The following ENG variants were observed in gnomAD, a reference collection of about 807,000 sequenced individuals.
ENG encodes CD105 antigen.
Under a neutral mutation model 71.0 loss-of-function variants are expected in ENG, and 17 were observed. The ratio of observed to expected loss-of-function variants is 0.24; its 90% CI spans 0.16 to 0.36. The LOEUF is 0.36. Ranked by LOEUF, ENG falls within the 10% of genes least tolerant of loss-of-function variation. ENG has a pLI of 1.00. For missense variants in ENG, 749 were observed against 868.3 expected, an observed-to-expected ratio of 0.86 and a Z score of 1.73; for synonymous variants, 360 against 366.9, an observed-to-expected ratio of 0.98 and a Z score of 0.21.
chr9:127,819,363 C>T (rs1046236577), intron 10 of ENG: 1 of 512,692 alleles, frequency 2.0e-6, no homozygotes, highest in Non-Finnish European at 3.5e-6. Context: ...TTTCTTAGGC[C>T]ACCTTTGGGC....
intron 2 of ENG, among the ~76,000 whole-genome samples, chr9:127,834,953 T>C (rs1347695670): frequency 1.3e-5 from 2 of 151,934 alleles, no homozygotes; most frequent in Non-Finnish European, 2.9e-5. Flanking sequence ...TTATAACTTT[T>C]GGTTTTCAAA....
In ENG at chr9:127,846,382, C is replaced by T. The variant is rs927018835; in HGVS notation, c.68-3137G>A. On this transcript the variant is annotated intron_variant, in intron 1 of 14. Coordinates refer to ENST00000373203, the MANE Select transcript of ENG (RefSeq NM_001114753.3). The surrounding 1 kb of genome is among the most constrained non-coding windows in gnomAD (Gnocchi z 5.5). ...GCACATGGTTGACCAGGCCGGGCCTCGGACCCGCGTCTCCCAACATGACCC... is the reference window on the plus strand; with the variant it reads ...GCACATGGTTGACCAGGCCGGGCCTTGGACCCGCGTCTCCCAACATGACCC... 2.6e-5 allele frequency among the ~76,000 whole-genome samples: 4 copies of T among 152,178 alleles called. No homozygotes were observed. Among genetic ancestry groups the T allele is most frequent in the Admixed American group, 1.3e-4 (2 of 15,276 alleles).
chr9:127,828,967 G>A (rs558914947), intron 3 of ENG, among the ~76,000 whole-genome samples: 10 of 152,100 alleles, frequency 6.6e-5, no homozygotes, highest in Admixed American at 5.9e-4. Context: ...ATTCCTCATG[G>A]AGGAGGCAGT....
chr9:127,830,769 T>C (rs921366609), intron 2 of ENG, among the ~76,000 whole-genome samples: 1 of 151,966 alleles, frequency 6.6e-6, no homozygotes, highest in Non-Finnish European at 1.5e-5. Flanking sequence ...GAGGCAGCGA[T>C]CCCCTGCCCC....
intron 2 of ENG, among the ~76,000 whole-genome samples, chr9:127,833,220 T>C (rs1251389133): frequency 1.3e-5 from 2 of 151,926 alleles, no homozygotes; most frequent in African/African-American, 4.8e-5. Context: ...AACAGGTGAG[T>C]GCTGAGACTA....
At position 127,815,582 on chromosome 9, in the gene ENG, T is replaced by TGGGTCGAGTG; in HGVS notation, c.*90_*99dup. On this transcript the variant is annotated 3_prime_UTR_variant, in exon 15 of 15. Coordinates refer to ENST00000373203, the MANE Select transcript of ENG (RefSeq NM_001114753.3). ...TAGGCGCGGAGAGCAGGCTCCATTC[T>TGGGTCGAGTG]GGGTCGAGTGGAGGACTGGCTCCCA... 1 of 1,491,384 alleles carries TGGGTCGAGTG rather than the reference T, an allele frequency of 6.7e-7. No homozygotes were observed. The highest frequency in any genetic ancestry group is 1.3e-5 in the South Asian group (1 of 77,154). 92.4% of individuals were successfully genotyped at this position (1,491,384 alleles called of 1,614,324 possible). A position where few individuals can be genotyped will look rare whatever the true frequency, so the allele number is the denominator to read the frequency against.
chr9:127,819,023 C>T (rs1241140496), intron 10 of ENG, among the ~76,000 whole-genome samples, 191 bp from the exon 11 acceptor site: 2 of 151,666 alleles, frequency 1.3e-5, no homozygotes, highest in Non-Finnish European at 2.9e-5. Context: ...CTGCAAGCTC[C>T]GCCTCCCGGG....
chr9:127,849,528 G>A (rs755521015), intron 1 of ENG, among the ~76,000 whole-genome samples: 6 of 152,250 alleles, frequency 3.9e-5, no homozygotes, highest in Admixed American at 3.9e-4. Context: ...AAGAGCGGGG[G>A]TGGATAGGAC....
chr9:127,834,255 A>G lies in ENG; in HGVS notation c.220-4428T>C, dbSNP rs571712647. Among the ~76,000 whole-genome samples the G allele has an allele frequency of 1.3e-4, 18 of 137,986 alleles. 1 individual carries two copies. The East Asian group carries it at 3.7e-3, about 29-fold the overall frequency. 90.5% of individuals were successfully genotyped at this position (137,986 alleles called of 152,430 possible). A position where few individuals can be genotyped will look rare whatever the true frequency, so the allele number is the denominator to read the frequency against. On this transcript the variant is annotated intron_variant, in intron 2 of 14. Coordinates refer to ENST00000373203, the MANE Select transcript of ENG (RefSeq NM_001114753.3). ...GCCCAGCTAATTTTTGTATATATAT[A>G]TTTTTGAGATGGAGTCTTGCTCTGT... is the stretch of plus-strand genomic sequence containing the variant.
rs1830902058 is a variant in ENG, at chr9:127,836,301, CCT to C, written c.220-6476_220-6475del. 6.6e-6 allele frequency among the ~76,000 whole-genome samples: 1 copy of C among 152,264 alleles called. No homozygotes were observed. Among genetic ancestry groups the C allele is most frequent in the South Asian group, 2.1e-4 (1 of 4,834 alleles). The stretch of plus-strand genomic sequence containing the variant: ...CAGCCTGCGCCTACCCAGCCCCCTC[CCT>C]GAGTGGGTGGGCGGGAGACCGCGTT... On this transcript the variant is annotated intron_variant, in intron 2 of 14. Transcript: ENST00000373203. This position sits in a 1 kb window ranked among gnomAD's most constrained non-coding sequence, Gnocchi z 4.0.
At chr9:127,817,886 A>G in intron 12 of ENG, 2 of 613,324 alleles carry the variant, frequency 3.3e-6, no homozygotes, top group African/African-American at 1.8e-5. Flanking sequence ...GGATGGATAG[A>G]TGGACAGTGG....
chr9:127,831,016 T>C (rs1378872660), intron 2 of ENG, among the ~76,000 whole-genome samples: 1 of 152,184 alleles, frequency 6.6e-6, no homozygotes, highest in Admixed American at 6.5e-5. Flanking sequence ...AATTGTTCAA[T>C]GATGTATACA....
At chr9:127,825,929 C>T in intron 4 of ENG, 69 bp from the exon 5 acceptor site, 1 of 1,542,332 alleles carries the variant, frequency 6.5e-7, no homozygotes, top group Non-Finnish European at 8.8e-7. Context: ...CCGCCCTCAC[C>T]CACAGCCAAA....
At position 127,854,442 on chromosome 9, in the gene ENG, G is replaced by C; in HGVS notation, c.-87C>G. 1 of 1,437,804 alleles carries C rather than the reference G, an allele frequency of 7.0e-7. No individual in the cohort carries two copies. The highest frequency in any genetic ancestry group is 2.1e-5 in the Admixed American group (1 of 48,514). 89.1% of individuals were successfully genotyped at this position (1,437,804 alleles called of 1,614,324 possible). The stretch of plus-strand genomic sequence containing the variant: ...CGGGCACCGGGGCCGGCGTGGGCTC[G>C]CACGGGGACCCGAGGGGAGCAGGCG... On this transcript the variant is annotated 5_prime_UTR_variant, in exon 1 of 15. Transcript: ENST00000373203.
At chr9:127,831,363 T>C (rs898755459) in intron 2 of ENG, among the ~76,000 whole-genome samples, 6 of 151,340 alleles carry the variant, frequency 4.0e-5, no homozygotes, top group African/African-American at 1.5e-4. Flanking sequence ...AGTTTCACCA[T>C]GTTGGCCAGG....
chr9:127,831,697 T>C (rs539780947), intron 2 of ENG, among the ~76,000 whole-genome samples: 255 of 150,684 alleles, frequency 1.7e-3, no homozygotes, highest in African/African-American at 3.3e-3. Flanking sequence ...TTTTTTTTTT[T>C]TTTCTTTCTT....
chr9:127,830,610 G>A (rs541072547), intron 2 of ENG, among the ~76,000 whole-genome samples: 3 of 151,272 alleles, frequency 2.0e-5, no homozygotes, highest in South Asian at 4.2e-4. Flanking sequence ...TTGCGCTATT[G>A]CACTCCAGCC....
intron 7 of ENG, 132 bp downstream of exon 7, chr9:127,824,668 G>A (rs566976838): frequency 1.3e-5 from 15 of 1,161,344 alleles, no homozygotes; most frequent in Non-Finnish European, 1.6e-5. Flanking sequence ...GTTCCCATGT[G>A]CAGATGAGAA....
At chr9:127,853,975 T>G (rs934297898) in intron 1 of ENG, among the ~76,000 whole-genome samples, 11 of 152,048 alleles carry the variant, frequency 7.2e-5, no homozygotes, top group Non-Finnish European at 1.5e-4. Flanking sequence ...GCCAGGAAAC[T>G]CTCCCGTCGC....
Sources: allele counts gnomAD v4.1 joint callset (sites outside exome capture counted in the v4.1 genomes callset), GRCh38; gene constraint gnomAD v4.1.1; non-coding constraint Gnocchi (gnomAD v3.1); transcripts MANE v1.5; gene names NCBI Gene and HGNC (gene_info 2026-07-23, HGNC 2026-07-21).